Variants in XRN1 observed in about 807,000 individuals in gnomAD.
XRN1 encodes strand-exchange protein 1 homolog.
Under a neutral mutation model 222.3 loss-of-function variants are expected in XRN1, and 67 were observed. The ratio of observed to expected loss-of-function variants is 0.30; its 90% CI spans 0.25 to 0.37. The LOEUF (loss-of-function observed/expected upper bound fraction) is 0.37, where lower values mean the gene tolerates loss of function less well. XRN1 is among the 10% of genes least tolerant of loss of function. XRN1 has a pLI of 1.00. For missense variants in XRN1, 1,707 were observed against 2,000.2 expected, an observed-to-expected ratio of 0.85 and a Z score of 2.80; for synonymous variants, 643 against 652.4, an observed-to-expected ratio of 0.99 and a Z score of 0.22.
At chr3:142,371,156 A>T (rs1577313108) in intron 26 of XRN1, 83 bp downstream of exon 26, 1 of 1,107,618 alleles carries the variant, frequency 9.0e-7, no homozygotes, top group Non-Finnish European at 1.3e-6. Context: ...AAGTAATATG[A>T]AATTCTTGAG....
intron 15 of XRN1, among the ~76,000 whole-genome samples, chr3:142,405,352 A>G (rs530594136): frequency 6.6e-6 from 1 of 152,316 alleles, no homozygotes; most frequent in South Asian, 2.1e-4. Flanking sequence ...AAGGCAGCAG[A>G]AAATCAAATT....
chr3:142,444,866 G>A (rs180975526), intron 1 of XRN1, among the ~76,000 whole-genome samples: 164 of 151,858 alleles, frequency 1.1e-3, no homozygotes, highest in Non-Finnish European at 1.8e-3. Flanking sequence ...ATAATCCCAG[G>A]CTTCATTTCA....
chr3:142,368,220 C>T (rs561673177), intron 27 of XRN1, among the ~76,000 whole-genome samples: 252 of 152,182 alleles, frequency 1.7e-3, no homozygotes, highest in African/African-American at 5.9e-3. Flanking sequence ...ACAGTCTCGG[C>T]TCACTGCAAC....
At chr3:142,334,674 T>C (rs1329295456) in intron 34 of XRN1, among the ~76,000 whole-genome samples, 4 of 126,046 alleles carry the variant, frequency 3.2e-5, no homozygotes, top group Non-Finnish European at 5.4e-5. Flanking sequence ...TATATGTCTA[T>C]GTGTATATAT....
At chr3:142,362,963 C>T (rs1021344883) in intron 29 of XRN1, among the ~76,000 whole-genome samples, 1 of 151,692 alleles carries the variant, frequency 6.6e-6, no homozygotes, top group Non-Finnish European at 1.5e-5. Flanking sequence ...TTAGTAAAGA[C>T]AGAGTTTCAC....
intron 35 of XRN1, 51 bp from the exon 36 acceptor site, chr3:142,332,585 C>T (rs1379463515): frequency 1.3e-6 from 2 of 1,487,986 alleles, no homozygotes; most frequent in African/African-American, 2.8e-5. Flanking sequence ...AGAACAAAGT[C>T]AACATTACAT....
intron 32 of XRN1, among the ~76,000 whole-genome samples, chr3:142,349,179 C>T (rs1364519155): frequency 3.3e-5 from 5 of 152,102 alleles, no homozygotes; most frequent in African/African-American, 9.7e-5. Flanking sequence ...GTCTCGAACT[C>T]CTGGGCTCCA....
intron 22 of XRN1, among the ~76,000 whole-genome samples, chr3:142,382,745 A>G (rs1365840265): frequency 6.6e-6 from 1 of 152,144 alleles, no homozygotes; most frequent in Non-Finnish European, 1.5e-5. Flanking sequence ...CTTTCAGCAA[A>G]TAGAGCTAGA....
chr3:142,431,884 T>TAAA (rs71153965), intron 2 of XRN1, among the ~76,000 whole-genome samples: 2 of 62,880 alleles, frequency 3.2e-5, no homozygotes, highest in African/African-American at 2.1e-4. Context: ...ATTATATATA[T>TAAA]TATATATAAT....
chr3:142,333,224 A>G (rs1398491797), intron 34 of XRN1, 135 bp from the exon 35 acceptor site: 4 of 1,021,786 alleles, frequency 3.9e-6, no homozygotes, highest in African/African-American at 1.7e-5. Flanking sequence ...TTGGGAAGAG[A>G]ATTGGAATAA....
intron 35 of XRN1, 74 bp from the exon 36 acceptor site, chr3:142,332,608 T>C (rs933511922): frequency 9.1e-6 from 12 of 1,317,768 alleles, no homozygotes; most frequent in South Asian, 1.8e-5. Flanking sequence ...GTAGAACTTA[T>C]TGATCTTTCT....
rs142687185 is a variant in XRN1 at position 142,362,761 on chromosome 3, C to G, written c.3394+2286G>C. Among the ~76,000 whole-genome samples, 983 of 130,434 alleles carry G rather than the reference C, an allele frequency of 7.5e-3. 7 individuals are homozygous for G. Among genetic ancestry groups the G allele is most frequent in the Non-Finnish European group, 0.012 (720 of 61,474 alleles). The allele number at this position is 130,434 out of a possible 152,430, so 85.6% of individuals were successfully genotyped here. A position where few individuals can be genotyped will look rare whatever the true frequency, so the allele number is the denominator to read the frequency against. On this transcript the variant is annotated intron_variant, in intron 29 of 40. Coordinates refer to ENST00000392981, the MANE Select transcript of XRN1 (RefSeq NM_001282857.2). ...CCCTCCCTCCCTCCCTTCCTTTCTT[C>G]CTTTTCTCTCTCTCTCTCTTTCTTT...
At position 142,375,956 on chromosome 3, in the gene XRN1, C is replaced by T. The variant is rs376353421; in HGVS notation, c.2832-12G>A. 1 of 1,600,198 alleles carries T rather than the reference C, an allele frequency of 6.2e-7. No individual in the cohort carries two copies. Among genetic ancestry groups the T allele is most frequent in the African/African-American group, 1.4e-5 (1 of 70,972 alleles). On this transcript the variant is annotated splice_polypyrimidine_tract_variant and intron_variant, in intron 24 of 40. Coordinates refer to ENST00000392981, the MANE Select transcript of XRN1 (RefSeq NM_001282857.2). ...GGTCTCCATGAGGGCTGAATTTAAACCACACATGCGCACACGTGCACACAC... is the reference window on the plus strand; with the variant it reads ...GGTCTCCATGAGGGCTGAATTTAAATCACACATGCGCACACGTGCACACAC...
At position 142,311,806 on chromosome 3, in the gene XRN1, T is replaced by A. The variant is rs1459091681; in HGVS notation, c.4790A>T (p.Lys1597Ile). 1.9e-6 allele frequency: 3 copies of A among 1,587,400 alleles called. No individual in the cohort carries two copies. Among genetic ancestry groups the A allele is most frequent in the Admixed American group, 3.7e-5 (2 of 53,546 alleles). Residue 1597 changes from lysine (K) to isoleucine (I), a missense_variant, in exon 41 of 41, where the codon AAA becomes ATA. Physicochemically the swap from Lys to Ile is moderately radical, Grantham distance 102 (BLOSUM62 -3). This residue lies in a region of XRN1 where 473 missense variants were observed against 482.0 expected (regional missense o/e 0.98). Transcript: ENST00000392981. ...GTTCTTTTTGTTTGCAACCCTTTTT[T>A]TAGTAACCTGTTAGGAATAAAAGCA... ...HNQFIPLQVT[K>I]KRVANKKNFE...
intron 20 of XRN1, among the ~76,000 whole-genome samples, chr3:142,396,395 T>C (rs997988782): frequency 6.6e-6 from 1 of 152,238 alleles, no homozygotes; most frequent in African/African-American, 2.4e-5. Flanking sequence ...TGGTGCATAC[T>C]ATCTAAAGAA....
chr3:142,402,571 A>G (rs2068183553), intron 18 of XRN1, among the ~76,000 whole-genome samples: 1 of 152,124 alleles, frequency 6.6e-6, no homozygotes, highest in Admixed American at 6.5e-5. Context: ...ATGGTACATA[A>G]CTCCTACTGT....
intron 10 of XRN1, 30 bp downstream of exon 10, chr3:142,420,986 C>T (rs2069004264): frequency 2.5e-5 from 41 of 1,611,660 alleles, no homozygotes; most frequent in Non-Finnish European, 3.5e-5. Flanking sequence ...ACAGTTAAAA[C>T]AATGAAAGGA....
intron 2 of XRN1, among the ~76,000 whole-genome samples, chr3:142,430,176 T>C (rs1000396366): frequency 6.6e-6 from 1 of 152,164 alleles, no homozygotes; most frequent in East Asian, 1.9e-4. Flanking sequence ...GTCAGTTCTG[T>C]AGTGCTGTTT....
intron 33 of XRN1, among the ~76,000 whole-genome samples, chr3:142,339,788 C>A (rs528007287): frequency 6.6e-6 from 1 of 152,012 alleles, no homozygotes; most frequent in East Asian, 1.9e-4. Flanking sequence ...CAGGGCAAGA[C>A]CCTGCCTCAA....
Sources: allele counts gnomAD v4.1 joint callset (sites outside exome capture counted in the v4.1 genomes callset), GRCh38; gene constraint gnomAD v4.1.1; regional missense constraint gnomAD v4.1.1; transcripts MANE v1.5; gene names NCBI Gene and HGNC (gene_info 2026-07-23, HGNC 2026-07-21).